Variants in EIF4E observed in about 807,000 individuals in gnomAD.
EIF4E encodes eIF-4F 25 kDa subunit.
For missense variants in EIF4E, 113 were observed against 265.6 expected (o/e 0.43, Z 3.99); for synonymous variants, 71 against 88.5 (o/e 0.80, Z 1.11).
intron 1 of EIF4E, among the ~76,000 whole-genome samples, chr4:98,921,655 G>A (rs550286445): frequency 7.2e-5 from 11 of 152,120 alleles, no homozygotes; most frequent in Non-Finnish European, 8.8e-5. Context: ...CAAGAAACAC[G>A]TATGTGTACA....
At chr4:98,893,651 A>G (rs1724248103) in intron 2 of EIF4E, among the ~76,000 whole-genome samples, 1 of 152,144 alleles carries the variant, frequency 6.6e-6, no homozygotes, top group Non-Finnish European at 1.5e-5. Context: ...TCCATTTCTT[A>G]CTGTTGGTCT....
At chr4:98,898,613 A>G (rs1449795401) in intron 2 of EIF4E, among the ~76,000 whole-genome samples, 10 of 151,854 alleles carry the variant, frequency 6.6e-5, no homozygotes, top group Admixed American at 6.6e-5. Flanking sequence ...TGTTCTTCCC[A>G]TTATATATTT....
At chr4:98,919,687 T>C (rs1032021763) in intron 1 of EIF4E, among the ~76,000 whole-genome samples, 2 of 151,404 alleles carry the variant, frequency 1.3e-5, no homozygotes, top group Non-Finnish European at 2.9e-5. Flanking sequence ...GCCTCCCGAG[T>C]AGCTGGGACT....
chr4:98,902,479 C>A (rs1278090559), intron 1 of EIF4E, among the ~76,000 whole-genome samples: 1 of 152,170 alleles, frequency 6.6e-6, no homozygotes, highest in Non-Finnish European at 1.5e-5. Flanking sequence ...TCATTAAGAG[C>A]AAAGAGCAAA....
intron 1 of EIF4E, among the ~76,000 whole-genome samples, chr4:98,921,886 G>A (rs1321032249): frequency 6.6e-6 from 1 of 152,198 alleles, no homozygotes; most frequent in African/African-American, 2.4e-5. Flanking sequence ...AAGGTTAAGT[G>A]TCCATCCACT....
rs577030120 is a variant in EIF4E at position 98,909,941 on chromosome 4, T to A, written c.19-7959A>T. ...GTCCTCAGTTCTTTTCAACAAACCA[T>A]GCATTTCCTCACAGCACCCTCAAAT... On this transcript the variant is annotated intron_variant, in intron 1 of 6. Transcript: ENST00000450253. 8.6e-5 allele frequency: 46 copies of A among 531,918 alleles called. 1 individual carries two copies. In the South Asian group the frequency reaches 1.4e-3, roughly 16 times the overall value. 32.9% of individuals were successfully genotyped at this position (531,918 alleles called of 1,614,324 possible). A position where few individuals can be genotyped will look rare whatever the true frequency, so the allele number is the denominator to read the frequency against.
chr4:98,907,234 C>T (rs1724910073), intron 1 of EIF4E, among the ~76,000 whole-genome samples: 1 of 152,064 alleles, frequency 6.6e-6, no homozygotes, highest in Admixed American at 6.6e-5. Flanking sequence ...ATGATTAATG[C>T]AATATAAAGT....
At chr4:98,922,962 C>T (rs1457516930) in intron 1 of EIF4E, among the ~76,000 whole-genome samples, 1 of 151,650 alleles carries the variant, frequency 6.6e-6, no homozygotes, top group Non-Finnish European at 1.5e-5. Context: ...ATTCTTCTGC[C>T]TCAGCCTCCC....
At chr4:98,882,396 CAAAA>C (rs33922454) in intron 6 of EIF4E, among the ~76,000 whole-genome samples, 2 of 85,206 alleles carry the variant, frequency 2.3e-5, no homozygotes, top group African/African-American at 4.5e-5. Context: ...GACTCCGTCT[CAAAA>C]AAAAAAAAAA....
intron 6 of EIF4E, among the ~76,000 whole-genome samples, chr4:98,884,178 AAC>A (rs1287677490): frequency 6.6e-6 from 1 of 152,256 alleles, no homozygotes; most frequent in Non-Finnish European, 1.5e-5. Flanking sequence ...ATACGTAGTA[AAC>A]ACACATGCTT....
rs1446515209 is a variant in EIF4E, at chr4:98,901,804, C to G, written c.125+72G>C. 5 of 1,352,652 alleles carry G rather than the reference C, an allele frequency of 3.7e-6. No homozygotes were observed. The East Asian group carries it at 9.2e-5, about 25-fold the overall frequency. The allele number at this position is 1,352,652 out of a possible 1,614,324, so 83.8% of individuals were successfully genotyped here. On this transcript the variant is annotated intron_variant, in intron 2 of 6. Transcript: ENST00000450253. ...AAAACTAGTCTCATAATCTAACTTTCCCTTCAAACTTGCCCCATTCACAAT... is the reference window on the plus strand; with the variant it reads ...AAAACTAGTCTCATAATCTAACTTTGCCTTCAAACTTGCCCCATTCACAAT...
At chr4:98,914,361 C>CAAAAAAAAAAAA (rs1159581783) in intron 1 of EIF4E, among the ~76,000 whole-genome samples, 4 of 34,834 alleles carry the variant, frequency 1.1e-4, no homozygotes, top group African/African-American at 4.2e-4. Flanking sequence ...GACTCCGTCT[C>CAAAAAAAAAAAA]AAAAAAAAAA....
intron 1 of EIF4E, among the ~76,000 whole-genome samples, chr4:98,909,251 G>A (rs1205722539): frequency 1.3e-5 from 2 of 152,130 alleles, no homozygotes; most frequent in African/African-American, 4.8e-5. Context: ...CACATATACA[G>A]GTAAGTGTAA....
chr4:98,884,230 T>C (rs576219538), intron 6 of EIF4E, among the ~76,000 whole-genome samples: 8 of 152,274 alleles, frequency 5.3e-5, no homozygotes, highest in African/African-American at 1.9e-4. Flanking sequence ...CACTGAATTA[T>C]TATTATGAGC....
intron 1 of EIF4E, among the ~76,000 whole-genome samples, chr4:98,912,299 AGGCACGGT>A (rs1188780530): frequency 6.6e-6 from 1 of 150,838 alleles, no homozygotes; most frequent in Non-Finnish European, 1.5e-5. Context: ...ACATACGGCC[AGGCACGGT>A]GGCTCATGCC....
chr4:98,907,934 A>G (rs1724947330), intron 1 of EIF4E, among the ~76,000 whole-genome samples: 1 of 152,216 alleles, frequency 6.6e-6, no homozygotes, highest in Non-Finnish European at 1.5e-5. Flanking sequence ...TAGAAAGGTA[A>G]GAGCTGAGTA....
chr4:98,918,591 G>A (rs775394791), intron 1 of EIF4E, among the ~76,000 whole-genome samples: 8 of 151,918 alleles, frequency 5.3e-5, no homozygotes, highest in African/African-American at 1.7e-4. Context: ...ATATTATCTC[G>A]TGTATGGAAT....
chr4:98,918,149 G>C (rs992406909), intron 1 of EIF4E, among the ~76,000 whole-genome samples: 1 of 151,774 alleles, frequency 6.6e-6, no homozygotes, highest in African/African-American at 2.4e-5. Context: ...GATTACCTAA[G>C]ATCAGGAGTT....
intron 1 of EIF4E, among the ~76,000 whole-genome samples, chr4:98,924,679 C>T (rs756250966): frequency 4.6e-5 from 7 of 152,042 alleles, no homozygotes; most frequent in Non-Finnish European, 1.0e-4. Flanking sequence ...CTGCAACCTC[C>T]ACCTCCAGGT....
Sources: gnomAD v4.1 joint callset for allele counts (sites outside exome capture counted in the v4.1 genomes callset) on GRCh38, gnomAD v4.1.1 for gene constraint, MANE v1.5 for transcripts, NCBI Gene and HGNC (gene_info 2026-07-23, HGNC 2026-07-21) for gene names.